Variants in IQCH observed in about 807,000 individuals in gnomAD.
The protein encoded by IQCH is IQ motif containing H.
In IQCH, 98 loss-of-function variants were observed where a neutral mutation model predicts 117.0. The observed-to-expected ratio is 0.84, with a 90% CI of 0.71 to 0.99. The LOEUF (loss-of-function observed/expected upper bound fraction) is 0.99. Among genes scored for constraint, IQCH ranks in the 50% least tolerant of loss-of-function variants. IQCH has a pLI of 0.00. For synonymous variants in IQCH, 412 were observed against 448.2 expected, an observed-to-expected ratio of 0.92 and a Z score of 1.02; for missense variants, 1,102 against 1,243.8, an observed-to-expected ratio of 0.89 and a Z score of 1.72.
At chr15:67,377,082 A>C (rs929879755) in intron 10 of IQCH, among the ~76,000 whole-genome samples, 1 of 148,806 alleles carries the variant, frequency 6.7e-6, no homozygotes, top group Non-Finnish European at 1.5e-5. Flanking sequence ...ACGCCACTGC[A>C]CTCTAGCCTG....
chr15:67,491,140 T>TA lies in IQCH; in HGVS notation c.2861+1078dup, dbSNP rs770933980. On this transcript the variant is annotated intron_variant, in intron 19 of 20. Coordinates refer to ENST00000335894, the MANE Select transcript of IQCH (RefSeq NM_001031715.3). This position sits in a 1 kb window ranked among gnomAD's most constrained non-coding sequence, Gnocchi z 4.9. ...TCTGGTCTCATAAAAACTAACCAAA[T>TA]AAGAGCCAATTCCTCTACGAAGCAC... Among the ~76,000 whole-genome samples the TA allele has an allele frequency of 3.9e-5, 6 of 152,022 alleles. No individual in the cohort carries two copies. The highest frequency in any genetic ancestry group is 8.8e-5 in the Non-Finnish European group (6 of 68,018).
rs2082863747 is a variant in IQCH, at chr15:67,463,816, G to T, written c.2506-1311G>T. Reference sequence around the variant, plus strand: ...AAAATTCTATTGTTTAATTGGATATGTATGTATCTGTCTTCACCTTCTTAT... The same window carrying T: ...AAAATTCTATTGTTTAATTGGATATTTATGTATCTGTCTTCACCTTCTTAT... On this transcript the variant is annotated intron_variant, in intron 16 of 20. Coordinates refer to ENST00000335894, the MANE Select transcript of IQCH (RefSeq NM_001031715.3). This position sits in a 1 kb window ranked among gnomAD's most constrained non-coding sequence, Gnocchi z 4.0. Among the ~76,000 whole-genome samples, 1 of 152,026 alleles carries T rather than the reference G, an allele frequency of 6.6e-6. No individual in the cohort carries two copies. The highest frequency in any genetic ancestry group is 1.9e-4 in the East Asian group (1 of 5,206).
chr15:67,338,607 A>G lies in IQCH; in HGVS notation c.508+1512A>G, dbSNP rs536902841. On this transcript the variant is annotated intron_variant, in intron 5 of 20. Transcript: ENST00000335894. ...ATGAGGTGAAAGACTAATAACATGCAGAAGAGAGAATCATTTTGAAAAATG... is the reference window on the plus strand; with the variant it reads ...ATGAGGTGAAAGACTAATAACATGCGGAAGAGAGAATCATTTTGAAAAATG... Among the ~76,000 whole-genome samples, 113 of 152,322 alleles carry G rather than the reference A, an allele frequency of 7.4e-4. 1 individual carries two copies. Among genetic ancestry groups the G allele is most frequent in the African/African-American group, 2.7e-3 (111 of 41,576 alleles).
chr15:67,266,530 G>A (rs192625031), intron 3 of IQCH, among the ~76,000 whole-genome samples: 5 of 152,140 alleles, frequency 3.3e-5, no homozygotes, highest in Non-Finnish European at 2.9e-5. Flanking sequence ...GGTGGCAGGC[G>A]CCTGTAGTCC....
chr15:67,377,547 A>G (rs750415878), intron 10 of IQCH, among the ~76,000 whole-genome samples: 9 of 152,222 alleles, frequency 5.9e-5, no homozygotes, highest in African/African-American at 9.7e-5. Context: ...TCTTTGGCCA[A>G]GTATTTCCTC....
intron 4 of IQCH, among the ~76,000 whole-genome samples, chr15:67,329,619 G>A (rs375098323): frequency 6.6e-6 from 1 of 151,924 alleles, no homozygotes; most frequent in South Asian, 2.1e-4. Context: ...GAGATTACAG[G>A]TGCATGCCCA....
In IQCH at chr15:67,359,716, T is replaced by G; in HGVS notation, c.715-131T>G. The G allele has an allele frequency of 1.3e-6, 1 of 783,838 alleles. No homozygotes were observed. Among genetic ancestry groups the G allele is most frequent in the Non-Finnish European group, 2.3e-6 (1 of 443,712 alleles). 48.6% of individuals were successfully genotyped at this position (783,838 alleles called of 1,614,324 possible). ...TTCTAATTATTAGCTCCTGCCTGCG[T>G]GGAAAGAGAGAACAGGCTGGCCCAG... is the stretch of plus-strand genomic sequence containing the variant. On this transcript the variant is annotated intron_variant, in intron 7 of 20. Coordinates refer to ENST00000335894, the MANE Select transcript of IQCH (RefSeq NM_001031715.3). The surrounding 1 kb of genome is among the most constrained non-coding windows in gnomAD (Gnocchi z 4.5).
chr15:67,263,699 T>G (rs1414439971), intron 3 of IQCH, among the ~76,000 whole-genome samples: 1 of 152,232 alleles, frequency 6.6e-6, no homozygotes, highest in East Asian at 1.9e-4. Flanking sequence ...TTCACACTTT[T>G]AGATCACCTG....
chr15:67,437,836 T>C (rs2082174653), intron 16 of IQCH, among the ~76,000 whole-genome samples: 1 of 152,026 alleles, frequency 6.6e-6, no homozygotes, highest in Non-Finnish European at 1.5e-5. Context: ...TAATGCAATC[T>C]GACAAAGACA....
intron 4 of IQCH, among the ~76,000 whole-genome samples, chr15:67,329,298 C>CA (rs112654218): frequency 0.29 from 41,697 of 142,658 alleles, 5,928 homozygotes; most frequent in South Asian, 0.37. Flanking sequence ...GACCTTGTCT[C>CA]AAAAAAAAAA....
intron 18 of IQCH, among the ~76,000 whole-genome samples, chr15:67,480,146 A>T (rs2083306622): frequency 6.6e-6 from 1 of 152,204 alleles, no homozygotes; most frequent in African/African-American, 2.4e-5. Context: ...CTCCACAGTC[A>T]CCAGCAATCA....
intron 18 of IQCH, among the ~76,000 whole-genome samples, chr15:67,487,474 A>G (rs558937960): frequency 4.5e-4 from 69 of 151,790 alleles, no homozygotes; most frequent in African/African-American, 1.5e-3. Flanking sequence ...CATTAATATA[A>G]GTAATATTTT....
At chr15:67,343,167 G>C (rs559766666) in intron 5 of IQCH, among the ~76,000 whole-genome samples, 45 of 152,246 alleles carry the variant, frequency 3.0e-4, no homozygotes, top group East Asian at 7.7e-4. Flanking sequence ...GGACCAAGTT[G>C]TGTGCCAAAT....
chr15:67,306,758 A>T, intron 4 of IQCH: 1 of 1,000,212 alleles, frequency 1.0e-6, no homozygotes. Flanking sequence ...AGTGAGACTC[A>T]CTGGTGATTT....
At chr15:67,340,173 A>G (rs1969081411) in intron 5 of IQCH, among the ~76,000 whole-genome samples, 1 of 152,110 alleles carries the variant, frequency 6.6e-6, no homozygotes. Flanking sequence ...CACACCTGTA[A>G]TCCCAGCACT....
At chr15:67,287,264 C>A (rs1383040573) in intron 4 of IQCH, among the ~76,000 whole-genome samples, 3 of 152,142 alleles carry the variant, frequency 2.0e-5, no homozygotes, top group African/African-American at 7.2e-5. Flanking sequence ...GCTTTGGTAT[C>A]AGGGTAATAC....
intron 16 of IQCH, among the ~76,000 whole-genome samples, chr15:67,446,117 C>T (rs1348103642): frequency 6.6e-6 from 1 of 152,210 alleles, no homozygotes; most frequent in Admixed American, 6.5e-5. Flanking sequence ...AACTTCTATT[C>T]ATATGAAAGA....
At chr15:67,440,239 C>G (rs999891500) in intron 16 of IQCH, among the ~76,000 whole-genome samples, 3 of 152,082 alleles carry the variant, frequency 2.0e-5, no homozygotes, top group African/African-American at 7.2e-5. Context: ...AAGTTACCAA[C>G]CAAAAAAGTC....
intron 13 of IQCH, among the ~76,000 whole-genome samples, chr15:67,396,146 A>G (rs921653340): frequency 1.3e-5 from 2 of 152,186 alleles, no homozygotes; most frequent in African/African-American, 4.8e-5. Context: ...ATTCATCATC[A>G]TATCAGCTTG....
Sources: allele counts gnomAD v4.1 joint callset (sites outside exome capture counted in the v4.1 genomes callset), GRCh38; gene constraint gnomAD v4.1.1; non-coding constraint Gnocchi (gnomAD v3.1); transcripts MANE v1.5; gene names NCBI Gene and HGNC (gene_info 2026-07-23, HGNC 2026-07-21).